SFMBT1: variants seen among roughly 807,000 people sequenced by gnomAD.
SFMBT1 encodes the protein Scm like with four mbt domains 1.
A neutral mutation model predicts 108.7 loss-of-function variants in SFMBT1; 32 were observed. The ratio of observed to expected loss-of-function variants is 0.29; its 90% CI spans 0.22 to 0.40. SFMBT1 has a LOEUF of 0.40. Among genes scored for constraint, SFMBT1 ranks in the 10% least tolerant of loss-of-function variants. The pLI is 1.00. For synonymous variants in SFMBT1, 348 were observed against 369.5 expected (o/e 0.94, Z 0.67); for missense variants, 816 against 1,059.6 (o/e 0.77, Z 3.19).
intron 3 of SFMBT1, among the ~76,000 whole-genome samples, chr3:52,952,948 G>A (rs1458779742): frequency 2.0e-5 from 3 of 152,164 alleles, no homozygotes; most frequent in African/African-American, 7.2e-5. Flanking sequence ...ACAGCAAGGT[G>A]GCAACTATCT....
At chr3:52,942,312 C>T (rs1703209373) in intron 4 of SFMBT1, among the ~76,000 whole-genome samples, 1 of 152,142 alleles carries the variant, frequency 6.6e-6, no homozygotes, top group Non-Finnish European at 1.5e-5. Flanking sequence ...ATGTCTAAAA[C>T]TGACTCTCAT....
chr3:52,969,173 A>G lies in SFMBT1; in HGVS notation c.-45T>C. ...GCTATATCCTCCCAAAACAAAGGAA[A>G]GGCCTATGGTTCTGCTAGGATCTGA... On this transcript the variant is annotated 5_prime_UTR_variant, in exon 2 of 21. Transcript: ENST00000394752. 2 of 1,612,696 alleles carry G rather than the reference A, an allele frequency of 1.2e-6. No homozygotes were observed. Among genetic ancestry groups the G allele is most frequent in the South Asian group, 2.2e-5 (2 of 90,818 alleles).
intron 5 of SFMBT1, among the ~76,000 whole-genome samples, chr3:52,932,980 C>A (rs967473045): frequency 3.3e-5 from 5 of 151,926 alleles, no homozygotes; most frequent in Non-Finnish European, 7.4e-5. Context: ...GAGAAAAAAT[C>A]AAACAAAAGT....
At chr3:52,972,312 C>T (rs1559532331) in intron 1 of SFMBT1, among the ~76,000 whole-genome samples, 4 of 152,206 alleles carry the variant, frequency 2.6e-5, no homozygotes. Flanking sequence ...TTCAACCTTA[C>T]ATCAATCATT....
At chr3:52,915,857 C>A (rs543238059) in intron 14 of SFMBT1, among the ~76,000 whole-genome samples, 2 of 152,332 alleles carry the variant, frequency 1.3e-5, no homozygotes, top group East Asian at 3.9e-4. Context: ...TGGAAAACTT[C>A]AGGTTCTTTA....
In SFMBT1 at chr3:52,998,429, A is replaced by T. The variant is rs568608298; in HGVS notation, c.-130-29171T>A. Among the ~76,000 whole-genome samples the T allele has an allele frequency of 5.3e-5, 8 of 150,268 alleles. No homozygotes were observed. The East Asian group carries it at 1.6e-3, about 29-fold the overall frequency. On this transcript the variant is annotated intron_variant, in intron 1 of 20. Coordinates refer to ENST00000394752, the MANE Select transcript of SFMBT1 (RefSeq NM_016329.4). The stretch of plus-strand genomic sequence containing the variant: ...AGAAAAGAAAAAATGTAGATCAATA[A>T]TATTATTTTGCTGACGCATTGGAGA...
At chr3:52,943,707 A>AGGCTTTCCTTG in intron 3 of SFMBT1, 114 bp from the exon 4 acceptor site, 1 of 1,347,348 alleles carries the variant, frequency 7.4e-7, no homozygotes, top group Non-Finnish European at 1.0e-6. Flanking sequence ...ATAACATCTC[A>AGGCTTTCCTTG]AGGAAAGCCT....
chr3:52,989,939 C>T (rs892931589), intron 1 of SFMBT1, among the ~76,000 whole-genome samples: 1 of 152,052 alleles, frequency 6.6e-6, no homozygotes, highest in African/African-American at 2.4e-5. Flanking sequence ...AAATTAACAA[C>T]GAAAAAGGTA....
chr3:52,920,613 C>T lies in SFMBT1; in HGVS notation c.1296G>A (p.Val432=). The T allele has an allele frequency of 6.2e-7, 1 of 1,613,974 alleles. No individual in the cohort carries two copies. Among genetic ancestry groups the T allele is most frequent in the Admixed American group, 1.7e-5 (1 of 59,988 alleles). Residue 432 remains valine (V), a synonymous_variant, in exon 12 of 21, where the codon GTG becomes GTA. Coordinates refer to ENST00000394752, the MANE Select transcript of SFMBT1 (RefSeq NM_016329.4). ...CCAAAGGAAATATATCCATGGATTC[C>T]ACACTCACAATACATTCAGGTATAG... ...KKPIPECIVS[V]ESMDIFPLGW...
chr3:52,961,244 T>C (rs932126056), intron 2 of SFMBT1, among the ~76,000 whole-genome samples: 1 of 152,216 alleles, frequency 6.6e-6, no homozygotes, highest in South Asian at 2.1e-4. Context: ...GTCAAATTCA[T>C]AGAAACAGAA....
intron 1 of SFMBT1, among the ~76,000 whole-genome samples, chr3:53,005,344 C>G (rs769514404): frequency 6.6e-6 from 1 of 152,166 alleles, no homozygotes; most frequent in Non-Finnish European, 1.5e-5. Context: ...GGATCTCACT[C>G]TGTCACCCAG....
chr3:52,993,710 G>A (rs1698215031), intron 1 of SFMBT1, among the ~76,000 whole-genome samples: 1 of 150,074 alleles, frequency 6.7e-6, no homozygotes, highest in Non-Finnish European at 1.5e-5. Context: ...TACAAAAATT[G>A]TGAAAAGAGT....
intron 13 of SFMBT1, among the ~76,000 whole-genome samples, chr3:52,917,423 C>T (rs547417470): frequency 3.5e-4 from 54 of 152,234 alleles, no homozygotes; most frequent in African/African-American, 1.3e-3. Context: ...AAGATTTTTC[C>T]ACCATGCAAG....
At chr3:53,003,911 T>A (rs1036055877) in intron 1 of SFMBT1, among the ~76,000 whole-genome samples, 2 of 150,208 alleles carry the variant, frequency 1.3e-5, no homozygotes, top group African/African-American at 4.8e-5. Context: ...TTAACAAGTA[T>A]GGAATGACTA....
intron 1 of SFMBT1, among the ~76,000 whole-genome samples, chr3:52,985,042 C>G (rs570268654): frequency 6.6e-6 from 1 of 152,184 alleles, no homozygotes; most frequent in South Asian, 2.1e-4. Context: ...TAGGCTGGAA[C>G]GGTAGCTCTT....
intron 1 of SFMBT1, among the ~76,000 whole-genome samples, chr3:52,997,342 C>T (rs766094395): frequency 6.7e-6 from 1 of 149,704 alleles, no homozygotes; most frequent in African/African-American, 2.4e-5. Flanking sequence ...TCGGTACCAT[C>T]CTGGCTAACA....
At chr3:52,925,598 CTG>C (rs1374730616) in intron 10 of SFMBT1, among the ~76,000 whole-genome samples, 2 of 152,204 alleles carry the variant, frequency 1.3e-5, no homozygotes, top group Non-Finnish European at 2.9e-5. Flanking sequence ...GGAAGGGAGA[CTG>C]TGAAACGGGG....
At chr3:52,966,318 G>A (rs1301103917) in intron 2 of SFMBT1, among the ~76,000 whole-genome samples, 4 of 95,638 alleles carry the variant, frequency 4.2e-5, no homozygotes, top group South Asian at 3.5e-4. Context: ...CAAGACTCCC[G>A]TCTCAAAAGA....
chr3:52,995,485 G>C (rs1698292431), intron 1 of SFMBT1, among the ~76,000 whole-genome samples: 1 of 150,134 alleles, frequency 6.7e-6, no homozygotes, highest in African/African-American at 2.4e-5. Context: ...GACCTCCTGG[G>C]CTCAAATAAT....
Sources: gnomAD v4.1 joint callset for allele counts (sites outside exome capture counted in the v4.1 genomes callset) on GRCh38, gnomAD v4.1.1 for gene constraint, MANE v1.5 for transcripts, NCBI Gene and HGNC (gene_info 2026-07-23, HGNC 2026-07-21) for gene names.